The following POF1B variants were observed in gnomAD, a reference collection of about 807,000 sequenced individuals.
POF1B encodes protein POF1B.
A neutral mutation model predicts 55.3 loss-of-function variants in POF1B; 53 were observed. That is an observed-to-expected ratio of 0.96 (90% CI 0.77 to 1.20). The LOEUF is 1.20. POF1B is among the 50% of genes most tolerant of loss of function. The probability of loss-of-function intolerance (pLI) is 0.00; values close to 1 mark genes in which losing one functional copy is unlikely to be tolerated. For missense variants in POF1B, 478 were observed against 420.5 expected (o/e 1.14, Z -1.20); for synonymous variants, 188 against 148.3 (o/e 1.27, Z -1.95).
chrX:85,299,375 G>A (rs1304568723), intron 15 of POF1B, among the ~76,000 whole-genome samples: 6 of 102,785 alleles, frequency 5.8e-5, no homozygotes, highest in South Asian at 4.7e-4. Flanking sequence ...TGCAAGCTCC[G>A]CCTCCCGGGT....
At chrX:85,335,433 G>A (rs1933053846) in intron 6 of POF1B, among the ~76,000 whole-genome samples, 1 of 111,417 alleles carries the variant, frequency 9.0e-6, no homozygotes, top group Non-Finnish European at 1.9e-5. Context: ...ATATCTGTTA[G>A]ACTGATTCAA....
intron 7 of POF1B, among the ~76,000 whole-genome samples, chrX:85,319,798 C>G (rs1358553588): frequency 9.0e-6 from 1 of 111,250 alleles, no homozygotes; most frequent in Non-Finnish European, 1.9e-5. Flanking sequence ...ATTTTTGCAT[C>G]AATGTTCATC....
chrX:85,306,413 T>C (rs1342774522), intron 11 of POF1B, 80 bp from the exon 12 acceptor site: 12 of 953,853 alleles, frequency 1.3e-5, no homozygotes, highest in African/African-American at 2.0e-5. Context: ...ATTCATTCAA[T>C]TGAATCAAGT....
At chrX:85,367,896 AT>A in intron 2 of POF1B, 130 bp from the exon 3 acceptor site, 1 of 427,548 alleles carries the variant, frequency 2.3e-6, no homozygotes. Context: ...TTCTTAGATA[AT>A]ATCCATCTTT....
chrX:85,308,867 C>T (rs1220811155), intron 9 of POF1B, among the ~76,000 whole-genome samples: 2 of 109,726 alleles, frequency 1.8e-5, no homozygotes, highest in Non-Finnish European at 3.8e-5. Flanking sequence ...GAGTAGAGAA[C>T]GGATTTCACT....
At chrX:85,362,549 G>A (rs1267317495) in intron 3 of POF1B, among the ~76,000 whole-genome samples, 2 of 111,958 alleles carry the variant, frequency 1.8e-5, no homozygotes, top group Non-Finnish European at 3.8e-5. Flanking sequence ...AGCATTTATT[G>A]ATTTGTGAAT....
At chrX:85,289,788 C>T (rs1932140474) in intron 15 of POF1B, among the ~76,000 whole-genome samples, 1 of 111,136 alleles carries the variant, frequency 9.0e-6, no homozygotes, top group Non-Finnish European at 1.9e-5. Flanking sequence ...CAAACAACCC[C>T]TAGCAAGAGG....
chrX:85,314,726 G>T (rs1411580181), intron 8 of POF1B, among the ~76,000 whole-genome samples: 1 of 111,247 alleles, frequency 9.0e-6, no homozygotes, highest in African/African-American at 3.3e-5. Context: ...TGAATTCCAC[G>T]CATTTTAGGG....
chrX:85,357,853 G>A (rs973266862), intron 4 of POF1B, among the ~76,000 whole-genome samples: 11 of 110,819 alleles, frequency 9.9e-5, no homozygotes, highest in African/African-American at 2.0e-4. Flanking sequence ...TCTTTGAGTC[G>A]TTTTTTAACT....
chrX:85,351,707 G>T (rs1427377402), intron 4 of POF1B, among the ~76,000 whole-genome samples: 1 of 110,607 alleles, frequency 9.0e-6, no homozygotes, highest in African/African-American at 3.3e-5. Context: ...GAGATTGGTG[G>T]AGAGTGGGAA....
At chrX:85,317,239 G>GA (rs963989051) in intron 7 of POF1B, among the ~76,000 whole-genome samples, 3 of 107,622 alleles carry the variant, frequency 2.8e-5, no homozygotes, top group African/African-American at 1.0e-4. Context: ...GGGTATTGTT[G>GA]AAAACAGTTT....
chrX:85,310,543 C>A (rs1932673625), intron 9 of POF1B, among the ~76,000 whole-genome samples: 1 of 111,883 alleles, frequency 8.9e-6, no homozygotes, highest in Non-Finnish European at 1.9e-5. Context: ...AGTATATAAT[C>A]TGAATATCAG....
chrX:85,322,922 A>G (rs944577924), intron 7 of POF1B, among the ~76,000 whole-genome samples: 8 of 110,107 alleles, frequency 7.3e-5, no homozygotes, highest in Admixed American at 1.9e-4. Flanking sequence ...TTAGAATGGC[A>G]ATCATTAAAA....
chrX:85,313,865 A>G (rs1932758751), intron 9 of POF1B, among the ~76,000 whole-genome samples: 1 of 110,153 alleles, frequency 9.1e-6, no homozygotes, highest in African/African-American at 3.3e-5. Flanking sequence ...TACTGCCTCA[A>G]TTTCAGAACT....
chrX:85,339,055 T>C (rs1325741387), intron 6 of POF1B, among the ~76,000 whole-genome samples: 3 of 111,084 alleles, frequency 2.7e-5, no homozygotes, highest in Admixed American at 1.9e-4. Flanking sequence ...GTTCTCATGC[T>C]GCTGATAAAG....
At chrX:85,375,036 T>G (rs1190397998) in intron 2 of POF1B, among the ~76,000 whole-genome samples, 2 of 111,645 alleles carry the variant, frequency 1.8e-5, no homozygotes, top group Non-Finnish European at 3.8e-5. Context: ...ATCCCTCATT[T>G]AAGAGGTCCA....
intron 2 of POF1B, among the ~76,000 whole-genome samples, chrX:85,368,854 A>C (rs1933773845): frequency 9.0e-6 from 1 of 111,615 alleles, no homozygotes; most frequent in Admixed American, 9.6e-5. Flanking sequence ...CCTTACCATA[A>C]TTTACAATCA....
chrX:85,300,650 A>G (rs1932424749), intron 15 of POF1B, among the ~76,000 whole-genome samples: 1 of 111,980 alleles, frequency 8.9e-6, no homozygotes, highest in Non-Finnish European at 1.9e-5. Context: ...AAAAAATTAT[A>G]AGACATGCAA....
In POF1B at chrX:85,290,360, T is replaced by A. The variant is rs376975305; in HGVS notation, c.1650-8043A>T. Among the ~76,000 whole-genome samples, 11 of 111,720 alleles carry A rather than the reference T, an allele frequency of 9.8e-5. No individual in the cohort carries two copies. The South Asian group carries it at 2.6e-3, about 27-fold the overall frequency. ...TTTTCTTTTTCCAGTCCAACATTGA[T>A]GGGCACGTGGGTTGATTCCATGTTT... On this transcript the variant is annotated intron_variant, in intron 15 of 16. Transcript: ENST00000262753.
Sources: allele counts gnomAD v4.1 joint callset (sites outside exome capture counted in the v4.1 genomes callset), GRCh38; gene constraint gnomAD v4.1.1; transcripts MANE v1.5; gene names NCBI Gene and HGNC (gene_info 2026-07-23, HGNC 2026-07-21).